Variants in DRD3 observed in about 807,000 individuals in gnomAD.
The protein encoded by DRD3 is dopamine receptor D3.
A neutral mutation model predicts 36.3 loss-of-function variants in DRD3; 19 were observed. The observed-to-expected ratio is 0.52, with a 90% CI of 0.36 to 0.77. The LOEUF is 0.77. Ranked by LOEUF, DRD3 falls within the 30% of genes least tolerant of loss-of-function variation. The pLI is 0.00. For missense variants in DRD3, 465 were observed against 505.3 expected, an observed-to-expected ratio of 0.92 and a Z score of 0.77; for synonymous variants, 195 against 203.7, an observed-to-expected ratio of 0.96 and a Z score of 0.36.
rs1258445480 is a variant in DRD3 at position 114,131,157 on chromosome 3, G to A, written c.967C>T (p.Arg323Trp). 16 of 1,614,004 alleles carry A rather than the reference G, an allele frequency of 9.9e-6. No homozygotes were observed. The highest frequency in any genetic ancestry group is 4.5e-5 in the East Asian group (2 of 44,900). ...ACCATTTGGGTTGCCTTCTTCTCCC[G>A]AAGTGGCACTCCCCGAGGTTGCAGG... The part of the protein sequence containing the change: ...GPLQPRGVPL[R>W]EKKATQMVAI... The change falls in exon 6 of 7, where the codon CGG (arginine) becomes TGG (tryptophan). Residue 323 changes from arginine to tryptophan, a missense_variant. Arg to Trp is a moderately radical substitution (Grantham distance 101). Transcript: ENST00000383673.
chr3:114,164,930 T>C (rs2107873742), intron 2 of DRD3, among the ~76,000 whole-genome samples: 1 of 152,304 alleles, frequency 6.6e-6, no homozygotes, highest in South Asian at 2.1e-4. Context: ...TTTGTATTTT[T>C]AGTAGAGACG....
At chr3:114,143,226 A>G (rs1404500436) in intron 4 of DRD3, among the ~76,000 whole-genome samples, 1 of 152,256 alleles carries the variant, frequency 6.6e-6, no homozygotes, top group Admixed American at 6.5e-5. Context: ...TGAGCATTTT[A>G]TATAAACACA....
At chr3:114,143,807 TCTTAA>T (rs1227043528) in intron 4 of DRD3, among the ~76,000 whole-genome samples, 1 of 152,250 alleles carries the variant, frequency 6.6e-6, no homozygotes, top group African/African-American at 2.4e-5. Flanking sequence ...GATAGAGTTT[TCTTAA>T]CTTTAAGTTT....
Position 114,154,714 on chromosome 3 carries a change from C to T in DRD3, c.383+5041G>A, listed in dbSNP as rs114182637. Among the ~76,000 whole-genome samples, 488 of 152,214 alleles carry T rather than the reference C, an allele frequency of 3.2e-3. 4 individuals are homozygous for T. The highest frequency in any genetic ancestry group is 0.011 in the African/African-American group (465 of 41,540). ...GGAGGCTTGCCTGTGTGATGGGTGC[C>T]ATTTGAGAGCCACTTAAAGAACTCC... On this transcript the variant is annotated intron_variant, in intron 3 of 6. Transcript: ENST00000383673.
intron 1 of DRD3, among the ~76,000 whole-genome samples, chr3:114,195,060 C>A (rs1240622004): frequency 6.6e-6 from 1 of 152,132 alleles, no homozygotes; most frequent in African/African-American, 2.4e-5. Flanking sequence ...CAAAAGGAAC[C>A]ACTTGAGGCT....
chr3:114,139,275 C>T (rs991003879), intron 5 of DRD3, among the ~76,000 whole-genome samples: 3 of 152,222 alleles, frequency 2.0e-5, no homozygotes, highest in Non-Finnish European at 4.4e-5. Context: ...CAGGAGCTCT[C>T]CAATCACTTT....
At chr3:114,136,172 C>G (rs2077472896) in intron 5 of DRD3, among the ~76,000 whole-genome samples, 1 of 151,976 alleles carries the variant, frequency 6.6e-6, no homozygotes, top group African/African-American at 2.4e-5. Flanking sequence ...TGTGATCACA[C>G]CACTGCACTC....
chr3:114,129,343 A>G (rs555382242), intron 6 of DRD3, among the ~76,000 whole-genome samples: 1 of 118,332 alleles, frequency 8.5e-6, no homozygotes, highest in South Asian at 2.7e-4. Flanking sequence ...ACTCCATCTC[A>G]AAAAAAACAA....
intron 1 of DRD3, among the ~76,000 whole-genome samples, chr3:114,173,700 A>G (rs944711752): frequency 2.6e-5 from 4 of 152,220 alleles, no homozygotes; most frequent in Admixed American, 2.6e-4. Flanking sequence ...GGAATCTTAA[A>G]TTCAAACTTG....
At position 114,139,570 on chromosome 3, in the gene DRD3, C is replaced by A; in HGVS notation, c.653G>T (p.Arg218Met). 1 of 1,614,152 alleles carries A rather than the reference C, an allele frequency of 6.2e-7. No homozygotes were observed. The highest frequency in any genetic ancestry group is 8.5e-7 in the Non-Finnish European group (1 of 1,180,042). ...TCGAGTGAGGATCCTTTTCCGTCTC[C>A]TTTGTTTCAGCACCACATAGATTCT... ...YARIYVVLKQRRRKRILTRQN... is the reference protein window; with the variant it reads ...YARIYVVLKQMRRKRILTRQN... Residue 218 changes from arginine (R) to methionine (M), a missense_variant, in exon 5 of 7, where the codon AGG becomes ATG. Coordinates refer to ENST00000383673, the MANE Select transcript of DRD3 (RefSeq NM_000796.6).
At chr3:114,170,921 T>C (rs1043113978) in intron 2 of DRD3, among the ~76,000 whole-genome samples, 6 of 152,264 alleles carry the variant, frequency 3.9e-5, no homozygotes, top group African/African-American at 1.2e-4. Context: ...CATGTTTTCC[T>C]GGTAAGAATA....
intron 5 of DRD3, among the ~76,000 whole-genome samples, chr3:114,132,801 CAAT>C (rs778859420): frequency 2.0e-5 from 3 of 152,148 alleles, no homozygotes; most frequent in African/African-American, 4.8e-5. Flanking sequence ...TTAACAACAA[CAAT>C]GACAATACTT....
At chr3:114,156,755 CTTTCTT>C (rs2077675353) in intron 3 of DRD3, among the ~76,000 whole-genome samples, 1 of 108,312 alleles carries the variant, frequency 9.2e-6, no homozygotes, top group African/African-American at 3.6e-5. Flanking sequence ...TTCTTTCTTT[CTTTCTT>C]TCTTTCTTTC....
At chr3:114,196,102 G>A (rs950500081) in intron 1 of DRD3, among the ~76,000 whole-genome samples, 4 of 152,186 alleles carry the variant, frequency 2.6e-5, no homozygotes, top group South Asian at 2.1e-4. Context: ...ATTGCTATCC[G>A]TAACATAGGA....
At chr3:114,153,130 C>G (rs1253622585) in intron 3 of DRD3, among the ~76,000 whole-genome samples, 1 of 152,214 alleles carries the variant, frequency 6.6e-6, no homozygotes, top group African/African-American at 2.4e-5. Context: ...AATCCCGGCT[C>G]TGCCACTGAA....
At chr3:114,136,995 G>A (rs746196345) in intron 5 of DRD3, among the ~76,000 whole-genome samples, 33 of 152,178 alleles carry the variant, frequency 2.2e-4, no homozygotes, top group African/African-American at 7.0e-4. Context: ...TTGTCACACC[G>A]TGTGCAAGAG....
chr3:114,129,388 G>A (rs971980481), intron 6 of DRD3, among the ~76,000 whole-genome samples: 1 of 152,110 alleles, frequency 6.6e-6, no homozygotes. Context: ...TATGAAATAG[G>A]TGTGATTAGC....
At chr3:114,198,594 T>C (rs767302621) in intron 1 of DRD3, among the ~76,000 whole-genome samples, 2 of 151,796 alleles carry the variant, frequency 1.3e-5, no homozygotes, top group Non-Finnish European at 2.9e-5. Context: ...TAGATTACCA[T>C]GTTATCTGAA....
chr3:114,187,657 C>A (rs2077982861), intron 1 of DRD3, among the ~76,000 whole-genome samples: 1 of 152,130 alleles, frequency 6.6e-6, no homozygotes, highest in African/African-American at 2.4e-5. Context: ...TATTACTATC[C>A]AAGAAGGGCA....
Sources: allele counts gnomAD v4.1 joint callset (sites outside exome capture counted in the v4.1 genomes callset), GRCh38; gene constraint gnomAD v4.1.1; transcripts MANE v1.5; gene names NCBI Gene and HGNC (gene_info 2026-07-23, HGNC 2026-07-21).